Variants in GRIN2A observed in about 807,000 individuals in gnomAD.
GRIN2A encodes glutamate ionotropic receptor NMDA type subunit 2A.
GRIN2A carries 22 observed loss-of-function variants against 113.4 expected under a neutral mutation model. The observed-to-expected ratio is 0.19, with a 90% CI of 0.14 to 0.28. GRIN2A has a LOEUF of 0.28. GRIN2A is among the 10% of genes least tolerant of loss of function. The pLI is 1.00. For missense variants in GRIN2A, 1,502 were observed against 1,887.0 expected (o/e 0.80, Z 3.78); for synonymous variants, 827 against 738.4 (o/e 1.12, Z -1.94).
chr16:10,089,835 C>G (rs952854431), intron 2 of GRIN2A, among the ~76,000 whole-genome samples: 2 of 152,162 alleles, frequency 1.3e-5, no homozygotes, highest in Non-Finnish European at 2.9e-5. Flanking sequence ...CTTCCCAAAT[C>G]CCCTTGAAAT....
intron 2 of GRIN2A, among the ~76,000 whole-genome samples, chr16:9,981,738 A>G (rs1325649153): frequency 6.6e-6 from 1 of 152,156 alleles, no homozygotes; most frequent in Non-Finnish European, 1.5e-5. Context: ...GAAAAATCGT[A>G]TTCTTTTGAC....
chr16:9,828,015 C>A (rs2042418897), intron 9 of GRIN2A, among the ~76,000 whole-genome samples: 1 of 152,122 alleles, frequency 6.6e-6, no homozygotes, highest in Non-Finnish European at 1.5e-5. Context: ...TTCTTGGGAG[C>A]CTGAGCTCAT....
At chr16:10,097,882 G>A (rs1402571777) in intron 2 of GRIN2A, among the ~76,000 whole-genome samples, 1 of 152,110 alleles carries the variant, frequency 6.6e-6, no homozygotes, top group South Asian at 2.1e-4. Flanking sequence ...CATTGGATTA[G>A]GCAAAGATTT....
At chr16:9,889,116 G>A (rs2043643625) in intron 4 of GRIN2A, among the ~76,000 whole-genome samples, 1 of 152,066 alleles carries the variant, frequency 6.6e-6, no homozygotes, top group Non-Finnish European at 1.5e-5. Context: ...AAATGGGAAA[G>A]TTTTTAGGTA....
intron 3 of GRIN2A, among the ~76,000 whole-genome samples, chr16:9,923,489 C>A (rs1458186028): frequency 6.6e-6 from 1 of 151,994 alleles, no homozygotes; most frequent in African/African-American, 2.4e-5. Context: ...TCTCTTTTTC[C>A]TTTCTACTTA....
At chr16:10,050,115 C>T (rs1049399615) in intron 2 of GRIN2A, among the ~76,000 whole-genome samples, 3 of 152,144 alleles carry the variant, frequency 2.0e-5, no homozygotes, top group African/African-American at 7.2e-5. Context: ...GGGAGATTAT[C>T]CTGAAGTCCC....
intron 2 of GRIN2A, among the ~76,000 whole-genome samples, chr16:9,977,511 T>C (rs1413112127): frequency 6.6e-6 from 1 of 152,218 alleles, no homozygotes; most frequent in Non-Finnish European, 1.5e-5. Context: ...TTAAGCCCTT[T>C]ATGTGTAGAA....
At chr16:9,808,806 A>T (rs1026423419) in intron 10 of GRIN2A, among the ~76,000 whole-genome samples, 5 of 152,134 alleles carry the variant, frequency 3.3e-5, no homozygotes, top group Non-Finnish European at 5.9e-5. Flanking sequence ...TCCACCCAGA[A>T]ATTCTATGTC....
intron 2 of GRIN2A, among the ~76,000 whole-genome samples, chr16:9,954,886 C>T (rs1303635665): frequency 6.6e-6 from 1 of 152,120 alleles, no homozygotes; most frequent in Admixed American, 6.5e-5. Context: ...GGCCAGCGTC[C>T]TTTATGTTCA....
chr16:10,130,768 T>C (rs72776054), intron 2 of GRIN2A, among the ~76,000 whole-genome samples: 13,670 of 152,224 alleles, frequency 0.09, 698 homozygotes, highest in Non-Finnish European at 0.11. Flanking sequence ...CACTGTCATG[T>C]CTTCATTAAG....
At chr16:10,116,261 C>T (rs564408547) in intron 2 of GRIN2A, among the ~76,000 whole-genome samples, 5 of 152,234 alleles carry the variant, frequency 3.3e-5, no homozygotes, top group Non-Finnish European at 5.9e-5. Context: ...TAAGTGAGAG[C>T]TGAACAATGA....
At chr16:10,030,856 T>G (rs1466698810) in intron 2 of GRIN2A, among the ~76,000 whole-genome samples, 1 of 152,220 alleles carries the variant, frequency 6.6e-6, no homozygotes, top group Non-Finnish European at 1.5e-5. Context: ...GCAAAATTGC[T>G]GTCAAAGTGC....
At chr16:9,816,711 T>C (rs1013513183) in intron 10 of GRIN2A, among the ~76,000 whole-genome samples, 3 of 152,152 alleles carry the variant, frequency 2.0e-5, no homozygotes, top group African/African-American at 7.2e-5. Flanking sequence ...TCTTCTAGAG[T>C]GGATGTTCTT....
At chr16:9,899,440 C>CAAAAA (rs71157791) in intron 3 of GRIN2A, among the ~76,000 whole-genome samples, 392 of 6,198 alleles carry the variant, frequency 0.063, 122 homozygotes, top group Non-Finnish European at 0.1. Context: ...AACTCCGTCT[C>CAAAAA]AAAAAAAAAA....
chr16:10,076,289 G>T (rs1696758583), intron 2 of GRIN2A, among the ~76,000 whole-genome samples: 1 of 152,120 alleles, frequency 6.6e-6, no homozygotes, highest in South Asian at 2.1e-4. Context: ...ACTCACAACA[G>T]GATCCAGTGG....
chr16:9,845,733 C>A (rs1321924811), intron 5 of GRIN2A, among the ~76,000 whole-genome samples: 1 of 152,218 alleles, frequency 6.6e-6, no homozygotes, highest in Non-Finnish European at 1.5e-5. Flanking sequence ...GGCTTCTTCT[C>A]ATCCTGTATA....
intron 2 of GRIN2A, among the ~76,000 whole-genome samples, chr16:10,132,377 CAAAGT>C (rs1371491017): frequency 3.2e-5 from 4 of 124,264 alleles, no homozygotes; most frequent in African/African-American, 1.1e-4. Context: ...ATAACTTGTC[CAAAGT>C]AAACTCAGCC....
At chr16:10,096,113 C>A (rs1346089782) in intron 2 of GRIN2A, among the ~76,000 whole-genome samples, 1 of 152,052 alleles carries the variant, frequency 6.6e-6, no homozygotes, top group South Asian at 2.1e-4. Context: ...CAAGCCCCAC[C>A]CCAGACTAAT....
At chr16:9,857,955 T>C (rs758259258) in intron 4 of GRIN2A, among the ~76,000 whole-genome samples, 1 of 152,246 alleles carries the variant, frequency 6.6e-6, no homozygotes, top group Admixed American at 6.5e-5. Context: ...AATAGCCTTA[T>C]GCTGTTTTGC....
Sources: gnomAD v4.1 joint callset for allele counts (sites outside exome capture counted in the v4.1 genomes callset) on GRCh38, gnomAD v4.1.1 for gene constraint, MANE v1.5 for transcripts, NCBI Gene and HGNC (gene_info 2026-07-23, HGNC 2026-07-21) for gene names.